Variants in MLIP observed in about 807,000 individuals in gnomAD.
MLIP encodes the protein muscular LMNA-interacting protein.
A neutral mutation model predicts 84.8 loss-of-function variants in MLIP; 79 were observed. That is an observed-to-expected ratio of 0.93 (90% confidence interval 0.78 to 1.12). The LOEUF (loss-of-function observed/expected upper bound fraction) is 1.12, where lower values mean the gene tolerates loss of function less well. Ranked by LOEUF, MLIP falls within the 50% of genes most tolerant of loss-of-function variation. MLIP has a pLI of 0.00. For synonymous variants in MLIP, 504 were observed against 463.0 expected (o/e 1.09, Z -1.14); for missense variants, 1,257 against 1,160.6 (o/e 1.08, Z -1.21).
In MLIP at chr6:54,094,538, T is replaced by G. The variant is rs1768078888; in HGVS notation, c.64-26909T>G. On this transcript the variant is annotated intron_variant, in intron 1 of 12. Transcript: ENST00000274897. ...GGGGCTTGATGGTGAGTCCTGGCAGTTTTCCCATATCCCACAGGTGTCCTG... is the reference window on the plus strand; with the variant it reads ...GGGGCTTGATGGTGAGTCCTGGCAGGTTTCCCATATCCCACAGGTGTCCTG... Among the ~76,000 whole-genome samples the G allele has an allele frequency of 2.0e-5, 3 of 152,098 alleles. No individual in the cohort carries two copies. The South Asian group carries it at 6.2e-4, about 32-fold the overall frequency.
At chr6:54,217,270 C>T (rs1279226890) in intron 11 of MLIP, 1 of 985,230 alleles carries the variant, frequency 1.0e-6, no homozygotes, top group Non-Finnish European at 1.2e-6. Context: ...AAGGAAGTGA[C>T]TTTAAAATGC....
chr6:54,057,928 CAGG>C (rs1209540004), intron 1 of MLIP: 1 of 152,146 alleles, frequency 6.6e-6, no homozygotes, highest in Admixed American at 6.5e-5. Flanking sequence ...TAGTATTTAA[CAGG>C]AGAAGAAAAT....
intron 11 of MLIP, among the ~76,000 whole-genome samples, chr6:54,209,901 CTTTT>C (rs35868308): frequency 2.1e-5 from 3 of 142,954 alleles, no homozygotes; most frequent in African/African-American, 7.8e-5. Context: ...TTTTTTCTTT[CTTTT>C]TTTTTTTTTA....
intron 4 of MLIP, among the ~76,000 whole-genome samples, chr6:54,142,809 G>A (rs1772428934): frequency 1.3e-5 from 2 of 151,992 alleles, no homozygotes; most frequent in Admixed American, 1.3e-4. Flanking sequence ...CTATGGTCAA[G>A]TTATAGCAGT....
Position 54,169,535 on chromosome 6 carries a change from C to A in MLIP, c.2507C>A (p.Thr836Lys). 1 of 1,590,760 alleles carries A rather than the reference C, an allele frequency of 6.3e-7. No homozygotes were observed. The highest frequency in any genetic ancestry group is 1.1e-5 in the South Asian group (1 of 87,040). Residue 836 changes from threonine to lysine, a missense_variant, in exon 9 of 14, where the codon ACA becomes AAA. By Grantham distance (78) the Thr-to-Lys change is moderately conservative (BLOSUM62 -1). Transcript: ENST00000502396. ...GTTTTTATTTTCATACAGACTCCTA[C>A]AACTCTTCCAAGAGCAGCTGGTCGA... ...LLGSDTVKTPTTLPRAAGRET... is the reference protein window; with the variant it reads ...LLGSDTVKTPKTLPRAAGRET...
At chr6:54,087,278 C>A (rs1767560198) in intron 1 of MLIP, among the ~76,000 whole-genome samples, 1 of 152,268 alleles carries the variant, frequency 6.6e-6, no homozygotes, top group Non-Finnish European at 1.5e-5. Flanking sequence ...GGAGGTGTTA[C>A]AATATCTGCC....
At chr6:54,239,171 C>T (rs1424086627) in intron 12 of MLIP, among the ~76,000 whole-genome samples, 1 of 151,832 alleles carries the variant, frequency 6.6e-6, no homozygotes, top group Admixed American at 6.6e-5. Context: ...GCAGACTATT[C>T]ATCTCCTACC....
chr6:54,244,174 T>C (rs542759059), intron 12 of MLIP, among the ~76,000 whole-genome samples: 1 of 152,238 alleles, frequency 6.6e-6, no homozygotes, highest in South Asian at 2.1e-4. Flanking sequence ...TGATTAGAAA[T>C]CCGTGTGAAT....
chr6:54,170,929 G>C lies in MLIP; in HGVS notation c.2544+1357G>C, dbSNP rs1048117835. ...TACAAGAAAAGAAAGTTTCCTAAAG[G>C]TGTTTCTATACTTTTTGTGACTAAT... On this transcript the variant is annotated intron_variant, in intron 9 of 13. Coordinates refer to ENST00000502396, the MANE Select transcript of MLIP (RefSeq NM_001281747.2). Among the ~76,000 whole-genome samples, 2 of 151,298 alleles carry C rather than the reference G, an allele frequency of 1.3e-5. 1 individual carries two copies. Among genetic ancestry groups the C allele is most frequent in the African/African-American group, 4.8e-5 (2 of 41,296 alleles).
chr6:54,251,069 A>C (rs1782442875), intron 12 of MLIP, among the ~76,000 whole-genome samples: 1 of 152,058 alleles, frequency 6.6e-6, no homozygotes, highest in South Asian at 2.1e-4. Context: ...ACCTATTAGC[A>C]GGTACTTAAT....
chr6:54,128,827 A>G (rs376013624), intron 3 of MLIP, among the ~76,000 whole-genome samples: 1 of 152,166 alleles, frequency 6.6e-6, no homozygotes, highest in African/African-American at 2.4e-5. Context: ...TGAAGATTAA[A>G]TGAGATAATA....
At chr6:54,244,494 C>A (rs1161222465) in intron 12 of MLIP, among the ~76,000 whole-genome samples, 2 of 152,062 alleles carry the variant, frequency 1.3e-5, no homozygotes, top group Admixed American at 1.3e-4. Flanking sequence ...TGACTAAATG[C>A]AAATTAATTT....
chr6:54,228,700 C>T (rs1229546338), intron 11 of MLIP, among the ~76,000 whole-genome samples: 1 of 152,202 alleles, frequency 6.6e-6, no homozygotes, highest in Non-Finnish European at 1.5e-5. Context: ...CATGGATCAC[C>T]ATGGGCTTTC....
At chr6:54,052,175 A>T (rs1468111291) in intron 1 of MLIP, among the ~76,000 whole-genome samples, 3 of 152,154 alleles carry the variant, frequency 2.0e-5, no homozygotes, top group Admixed American at 6.5e-5. Context: ...TTTAGATCAC[A>T]GGTGTAGCCC....
At chr6:54,109,927 TCC>T (rs1375791283), upstream of MLIP, among the ~76,000 whole-genome samples, 101 of 101,836 alleles carry the variant, frequency 9.9e-4, no homozygotes, top group African/African-American at 3.3e-3. Context: ...CTTTCTTTCT[TCC>T]TTCCTTCCTT....
chr6:54,204,703 T>C (rs1042611037), intron 11 of MLIP, among the ~76,000 whole-genome samples: 1 of 152,204 alleles, frequency 6.6e-6, no homozygotes, highest in African/African-American at 2.4e-5. Flanking sequence ...TCATTAAAAA[T>C]AATTGCCATT....
At chr6:54,101,454 T>C (rs1768640305) in intron 1 of MLIP, among the ~76,000 whole-genome samples, 1 of 152,146 alleles carries the variant, frequency 6.6e-6, no homozygotes, top group Non-Finnish European at 1.5e-5. Context: ...GAGGTTCAGA[T>C]GCTTTTATTA....
At chr6:54,090,211 C>T (rs562114198) in intron 1 of MLIP, among the ~76,000 whole-genome samples, 1 of 152,216 alleles carries the variant, frequency 6.6e-6, no homozygotes, top group South Asian at 2.1e-4. Flanking sequence ...AGGCTTTCTT[C>T]TCAACTTTTC....
chr6:54,264,650 C>T (rs539322997), intron 13 of MLIP, among the ~76,000 whole-genome samples: 2 of 152,112 alleles, frequency 1.3e-5, no homozygotes, highest in African/African-American at 4.8e-5. Flanking sequence ...AATGCTGGTA[C>T]TTTAAGAAAA....
Sources: allele counts gnomAD v4.1 joint callset (sites outside exome capture counted in the v4.1 genomes callset), GRCh38; gene constraint gnomAD v4.1.1; transcripts MANE v1.5; gene names NCBI Gene and HGNC (gene_info 2026-07-23, HGNC 2026-07-21).